Variants in CSMD2 observed in about 807,000 individuals in gnomAD.
CSMD2 encodes CUB and Sushi multiple domains 2, also known as CUB and sushi domain-containing protein 2.
In CSMD2, 130 loss-of-function variants were observed where a neutral mutation model predicts 398.5. That is an observed-to-expected ratio of 0.33 (90% CI 0.28 to 0.38). The LOEUF is 0.38. Ranked by LOEUF, CSMD2 falls within the 10% of genes least tolerant of loss-of-function variation. CSMD2 has a pLI of 1.00. For synonymous variants in CSMD2, 1,828 were observed against 1,908.5 expected, an observed-to-expected ratio of 0.96 and a Z score of 1.10; for missense variants, 3,829 against 4,764.9, an observed-to-expected ratio of 0.80 and a Z score of 5.78.
chr1:34,147,534 G>A (rs968038555), intron 1 of CSMD2, among the ~76,000 whole-genome samples: 1 of 152,134 alleles, frequency 6.6e-6, no homozygotes, highest in Non-Finnish European at 1.5e-5. Context: ...CCCCCGGAGT[G>A]AGGAGGGTGT....
chr1:33,532,107 G>A (rs577440758), intron 64 of CSMD2, among the ~76,000 whole-genome samples: 1 of 152,314 alleles, frequency 6.6e-6, no homozygotes, highest in East Asian at 1.9e-4. Context: ...TATAGTCTCT[G>A]ACCCTGAAGG....
intron 3 of CSMD2, among the ~76,000 whole-genome samples, chr1:34,003,502 T>C (rs1471815872): frequency 6.6e-6 from 1 of 152,162 alleles, no homozygotes; most frequent in Non-Finnish European, 1.5e-5. Flanking sequence ...TGGGTAATAA[T>C]AATAGCTACC....
chr1:33,844,383 A>G (rs1661162927), intron 6 of CSMD2, among the ~76,000 whole-genome samples: 1 of 152,200 alleles, frequency 6.6e-6, no homozygotes, highest in African/African-American at 2.4e-5. Context: ...GCTGCTAAAC[A>G]TCCTGCTATG....
chr1:34,022,223 G>T (rs959675973), intron 3 of CSMD2, among the ~76,000 whole-genome samples: 2 of 152,208 alleles, frequency 1.3e-5, no homozygotes, highest in African/African-American at 2.4e-5. Flanking sequence ...CATCCACTTA[G>T]TGAGTGTTTA....
intron 9 of CSMD2, 36 bp downstream of exon 9, chr1:33,819,677 T>C (rs1657882224): frequency 3.1e-6 from 5 of 1,604,896 alleles, no homozygotes; most frequent in Non-Finnish European, 3.4e-6. Context: ...TCAGCCCAAC[T>C]CTCTGGCCAG....
intron 2 of CSMD2, among the ~76,000 whole-genome samples, chr1:34,081,439 G>T (rs990597932): frequency 7.5e-6 from 1 of 132,522 alleles, no homozygotes; most frequent in Non-Finnish European, 1.5e-5. Context: ...CCTCTTCTTC[G>T]TCTCCCGCTT....
intron 1 of CSMD2, among the ~76,000 whole-genome samples, chr1:34,140,145 A>G (rs1467469678): frequency 6.6e-6 from 1 of 152,152 alleles, no homozygotes; most frequent in African/African-American, 2.4e-5. Flanking sequence ...ATCAACTGAG[A>G]TAAGTTATCC....
chr1:33,935,013 T>TAA (rs537683892), intron 4 of CSMD2, among the ~76,000 whole-genome samples: 18 of 42,328 alleles, frequency 4.3e-4, no homozygotes, highest in East Asian at 2.4e-3. Flanking sequence ...CAAATAAAAT[T>TAA]AAAAAAAAAA....
intron 4 of CSMD2, among the ~76,000 whole-genome samples, chr1:33,926,301 G>C (rs1221310744): frequency 6.6e-6 from 1 of 152,224 alleles, no homozygotes; most frequent in African/African-American, 2.4e-5. Context: ...TTTCAGTTGA[G>C]TGTCTCTGGT....
rs187435228 is a variant in CSMD2 at position 34,067,911 on chromosome 1, C to T, written c.404+21066G>A. On this transcript the variant is annotated intron_variant, in intron 2 of 70. Coordinates refer to ENST00000373381, the MANE Select transcript of CSMD2 (RefSeq NM_001281956.2). The stretch of plus-strand genomic sequence containing the variant: ...ACCACTCTCCATGACTCCAGGAAGT[C>T]AGGATTGGGGAGGCACATCCCCAGG... Among the ~76,000 whole-genome samples, 28 of 152,296 alleles carry T rather than the reference C, an allele frequency of 1.8e-4. No homozygotes were observed. The East Asian group carries it at 2.9e-3, about 16-fold the overall frequency.
chr1:33,524,856 C>A (rs947015557), intron 66 of CSMD2, 26 bp downstream of exon 66: 1 of 1,610,670 alleles, frequency 6.2e-7, no homozygotes, highest in African/African-American at 1.3e-5. Context: ...ATCCTCCCGG[C>A]TTTCATAGAG....
intron 11 of CSMD2, among the ~76,000 whole-genome samples, chr1:33,791,429 G>A (rs1398513521): frequency 6.6e-6 from 1 of 152,184 alleles, no homozygotes; most frequent in African/African-American, 2.4e-5. Context: ...AGATGGATGT[G>A]GTCAGGGTGT....
chr1:33,821,486 A>G (rs182132095), intron 7 of CSMD2, among the ~76,000 whole-genome samples: 174 of 152,150 alleles, frequency 1.1e-3, no homozygotes, highest in African/African-American at 3.8e-3. Context: ...CAATCCCATG[A>G]CCCCAACAGC....
intron 3 of CSMD2, among the ~76,000 whole-genome samples, chr1:33,964,622 G>A (rs1269495301): frequency 1.3e-5 from 2 of 152,120 alleles, no homozygotes; most frequent in African/African-American, 4.8e-5. Context: ...TTATTTCTGA[G>A]GATGGGGACC....
intron 55 of CSMD2, among the ~76,000 whole-genome samples, chr1:33,555,043 G>A (rs1313750268): frequency 1.3e-5 from 2 of 152,166 alleles, no homozygotes; most frequent in Non-Finnish European, 2.9e-5. Flanking sequence ...TGATGGATCT[G>A]GGCAGAGTAT....
At chr1:33,700,826 G>A (rs1358889692) in intron 22 of CSMD2, among the ~76,000 whole-genome samples, 153 bp from the exon 23 acceptor site, 1 of 152,218 alleles carries the variant, frequency 6.6e-6, no homozygotes, top group Non-Finnish European at 1.5e-5. Flanking sequence ...AGATGGCAGA[G>A]GGAAGCTATC....
chr1:34,059,244 A>G (rs1049433443), intron 2 of CSMD2, among the ~76,000 whole-genome samples: 1 of 152,144 alleles, frequency 6.6e-6, no homozygotes, highest in Non-Finnish European at 1.5e-5. Context: ...GCTTCCAGTG[A>G]CCAGCAAAAG....
At chr1:33,568,859 G>A (rs983320252) in intron 52 of CSMD2, among the ~76,000 whole-genome samples, 54 of 152,114 alleles carry the variant, frequency 3.5e-4, no homozygotes, top group Admixed American at 6.5e-5. Flanking sequence ...CAAGAAAGGT[G>A]TGAGAGGAGA....
intron 44 of CSMD2, among the ~76,000 whole-genome samples, chr1:33,596,834 GTCTTTGCTTTGTCCCATC>G (rs1639872521): frequency 6.6e-6 from 1 of 152,210 alleles, no homozygotes; most frequent in Non-Finnish European, 1.5e-5. Context: ...CATATCAGAT[GTCTTTGCTTTGTCCCATC>G]TCACAGCTTT....
Sources: gnomAD v4.1 joint callset for allele counts (sites outside exome capture counted in the v4.1 genomes callset) on GRCh38, gnomAD v4.1.1 for gene constraint, MANE v1.5 for transcripts, NCBI Gene and HGNC (gene_info 2026-07-23, HGNC 2026-07-21) for gene names.